The following VWA3A variants were observed in gnomAD, a reference collection of about 807,000 sequenced individuals.
The protein encoded by VWA3A is von Willebrand factor A domain-containing protein 3A.
A neutral mutation model predicts 160.4 loss-of-function variants in VWA3A; 134 were observed. The ratio of observed to expected loss-of-function variants is 0.84; its 90% confidence interval spans 0.73 to 0.96. VWA3A has a LOEUF of 0.96. Among genes scored for constraint, VWA3A ranks in the 40% least tolerant of loss-of-function variants. VWA3A has a pLI of 0.00. For synonymous variants in VWA3A, 476 were observed against 543.4 expected, an observed-to-expected ratio of 0.88 and a Z score of 1.72; for missense variants, 1,310 against 1,447.9, an observed-to-expected ratio of 0.90 and a Z score of 1.55.
intron 22 of VWA3A, among the ~76,000 whole-genome samples, chr16:22,138,909 A>T (rs1455035727): frequency 6.6e-6 from 1 of 151,922 alleles, no homozygotes; most frequent in African/African-American, 2.4e-5. Context: ...GGCTGATAGG[A>T]GCCTGAGGGT....
chr16:22,125,942 A>T (rs1166004584), intron 16 of VWA3A, among the ~76,000 whole-genome samples: 1 of 152,148 alleles, frequency 6.6e-6, no homozygotes, highest in Non-Finnish European at 1.5e-5. Context: ...CATCTCCACC[A>T]TGAGGCTTTA....
rs750589923 is a variant in VWA3A at position 22,134,322 on chromosome 16, G to C, written c.2069-46G>C. The C allele has an allele frequency of 2.0e-6, 3 of 1,537,842 alleles. No individual in the cohort carries two copies. In the Admixed American group the frequency reaches 5.8e-5, roughly 30 times the overall value. On this transcript the variant is annotated intron_variant, in intron 20 of 33. Transcript: ENST00000389398. ...TCCAGATGATGGGGACGCTTGCCAGGATCCACACCCTGTCTCACCTTGCTC... is the reference window on the plus strand; with the variant it reads ...TCCAGATGATGGGGACGCTTGCCAGCATCCACACCCTGTCTCACCTTGCTC...
At chr16:22,094,139 G>C (rs2045279467) in intron 1 of VWA3A, among the ~76,000 whole-genome samples, 2 of 151,990 alleles carry the variant, frequency 1.3e-5, no homozygotes, top group Admixed American at 1.3e-4. Flanking sequence ...TTCTCCATCA[G>C]CCTGCACCAG....
At chr16:22,138,250 C>T (rs2046079306) in intron 21 of VWA3A, 110 bp from the exon 22 acceptor site, 2 of 1,348,154 alleles carry the variant, frequency 1.5e-6, no homozygotes, top group East Asian at 5.1e-5. Context: ...AAAGAGGAGT[C>T]CAGGGGACAT....
Position 22,155,605 on chromosome 16 carries a change from G to T in VWA3A, c.3444G>T (p.Arg1148Ser). Residue 1148 changes from arginine to serine, a missense_variant, in exon 32 of 34, where the codon AGG becomes AGT. Coordinates refer to ENST00000389398, the MANE Select transcript of VWA3A (RefSeq NM_173615.5). ...TLPPFEGDDLRILAQEITKAR... is the reference protein window; with the variant it reads ...TLPPFEGDDLSILAQEITKAR... ...CACCATTTGAAGGAGATGATTTAAGGATCCTGGCCCAGGAGATCACCAAGG... is the reference window on the plus strand; with the variant it reads ...CACCATTTGAAGGAGATGATTTAAGTATCCTGGCCCAGGAGATCACCAAGG... 1.2e-6 allele frequency: 2 copies of T among 1,613,886 alleles called. No individual in the cohort carries two copies. Among genetic ancestry groups the T allele is most frequent in the Non-Finnish European group, 1.7e-6 (2 of 1,179,886 alleles).
intron 22 of VWA3A, 25 bp downstream of exon 22, chr16:22,138,537 G>A (rs368525641): frequency 1.2e-5 from 19 of 1,612,646 alleles, no homozygotes; most frequent in South Asian, 8.8e-5. Context: ...CTAATAACAC[G>A]CAGAAGATTT....
intron 17 of VWA3A, among the ~76,000 whole-genome samples, chr16:22,129,158 G>T (rs1457664838): frequency 5.9e-5 from 9 of 152,026 alleles, no homozygotes; most frequent in Admixed American, 4.6e-4. Flanking sequence ...GAGAGGCCGA[G>T]GCGGGCGGAT....
intron 30 of VWA3A, among the ~76,000 whole-genome samples, 189 bp from the exon 31 acceptor site, chr16:22,152,322 G>C (rs751320506): frequency 6.6e-6 from 1 of 152,152 alleles, no homozygotes; most frequent in Non-Finnish European, 1.5e-5. Flanking sequence ...AGCAGCAGTT[G>C]CTATAGCTGT....
At chr16:22,144,185 C>A in intron 25 of VWA3A, 62 bp from the exon 26 acceptor site, 1 of 1,526,170 alleles carries the variant, frequency 6.6e-7, no homozygotes, top group East Asian at 2.3e-5. Flanking sequence ...ATAGACCAGT[C>A]AGATGATCAT....
intron 32 of VWA3A, 54 bp downstream of exon 32, chr16:22,155,718 AC>A: frequency 6.2e-7 from 1 of 1,602,644 alleles, no homozygotes; most frequent in Non-Finnish European, 8.5e-7. Flanking sequence ...GCCCATGCAG[AC>A]CCCGGACCCC....
intron 31 of VWA3A, among the ~76,000 whole-genome samples, chr16:22,155,214 A>G (rs1221669642): frequency 6.6e-6 from 1 of 152,110 alleles, no homozygotes; most frequent in Non-Finnish European, 1.5e-5. Context: ...AATGCAAAAA[A>G]TGGCTGAACA....
chr16:22,120,330 G>A lies in VWA3A; in HGVS notation c.1117-638G>A, dbSNP rs560918993. ...CATGGATTAAATTATTTTTTAAATGGTATCTATTTAAAACTAGCTCATTAT... is the reference window on the plus strand; with the variant it reads ...CATGGATTAAATTATTTTTTAAATGATATCTATTTAAAACTAGCTCATTAT... On this transcript the variant is annotated intron_variant, in intron 12 of 33. Coordinates refer to ENST00000389398, the MANE Select transcript of VWA3A (RefSeq NM_173615.5). Among the ~76,000 whole-genome samples the A allele has an allele frequency of 5.5e-4, 83 of 152,174 alleles. 1 individual carries two copies. Among genetic ancestry groups the A allele is most frequent in the African/African-American group, 2.0e-3 (83 of 41,522 alleles).
Position 22,119,034 on chromosome 16 carries a change from G to A in VWA3A, c.1116+7G>A. On this transcript the variant is annotated splice_region_variant and intron_variant, in intron 12 of 33. Coordinates refer to ENST00000389398, the MANE Select transcript of VWA3A (RefSeq NM_173615.5). ...CACCTGCACCATGGAGGAGGTAGGTGGTGCGAGTGTCAATTCTGGGGCCTT... is the reference window on the plus strand; with the variant it reads ...CACCTGCACCATGGAGGAGGTAGGTAGTGCGAGTGTCAATTCTGGGGCCTT... 6.2e-7 allele frequency: 1 copy of A among 1,603,486 alleles called. No homozygotes were observed. Among genetic ancestry groups the A allele is most frequent in the Non-Finnish European group, 8.5e-7 (1 of 1,174,954 alleles).
chr16:22,112,400 GATGGGATTCCAGATCCCA>G (rs1309977403), intron 8 of VWA3A, among the ~76,000 whole-genome samples: 2 of 152,180 alleles, frequency 1.3e-5, no homozygotes, highest in Non-Finnish European at 2.9e-5. Context: ...GTAGAGCCAC[GATGGGATTCCAGATCCCA>G]GGAAAAGGCA....
intron 23 of VWA3A, chr16:22,141,124 G>A: frequency 2.2e-6 from 1 of 452,500 alleles, no homozygotes; most frequent in Non-Finnish European, 4.4e-6. Flanking sequence ...GCCACTAGTG[G>A]TAACAGGCCT....
At chr16:22,106,110 C>T (rs960534567) in intron 6 of VWA3A, among the ~76,000 whole-genome samples, 2 of 152,070 alleles carry the variant, frequency 1.3e-5, no homozygotes, top group Non-Finnish European at 2.9e-5. Context: ...TGAGGCCGGG[C>T]GTGGTGGTGC....
intron 24 of VWA3A, 80 bp from the exon 25 acceptor site, chr16:22,142,588 C>T: frequency 2.7e-6 from 3 of 1,106,158 alleles, no homozygotes; most frequent in Non-Finnish European, 4.0e-6. Flanking sequence ...CCATCTCCAA[C>T]ACTGGGGATC....
intron 10 of VWA3A, 29 bp downstream of exon 10, chr16:22,116,896 C>T (rs1483335686): frequency 1.2e-6 from 2 of 1,600,704 alleles, no homozygotes; most frequent in Non-Finnish European, 1.7e-6. Flanking sequence ...CTGAGGTGCC[C>T]CTTGGCTTTG....
At chr16:22,154,709 C>A (rs1171375180) in intron 31 of VWA3A, among the ~76,000 whole-genome samples, 1 of 147,280 alleles carries the variant, frequency 6.8e-6, no homozygotes, top group Non-Finnish European at 1.5e-5. Flanking sequence ...AATCCCAGCA[C>A]TTTGGGACGC....
Sources: gnomAD v4.1 joint callset for allele counts (sites outside exome capture counted in the v4.1 genomes callset) on GRCh38, gnomAD v4.1.1 for gene constraint, MANE v1.5 for transcripts, NCBI Gene and HGNC (gene_info 2026-07-23, HGNC 2026-07-21) for gene names.